The following FOXN3 variants were observed in gnomAD, a reference collection of about 807,000 sequenced individuals.
FOXN3 encodes the protein forkhead box N3.
In FOXN3, 7 loss-of-function variants were observed where a neutral mutation model predicts 38.4. That is an observed-to-expected ratio of 0.18 (90% CI 0.10 to 0.34). The LOEUF is 0.34. Ranked by LOEUF, FOXN3 falls within the 10% of genes least tolerant of loss-of-function variation. The probability of loss-of-function intolerance (pLI) is 1.00; values close to 1 mark genes in which losing one functional copy is unlikely to be tolerated. For synonymous variants in FOXN3, 230 were observed against 242.2 expected (o/e 0.95, Z 0.47); for missense variants, 456 against 613.4 (o/e 0.74, Z 2.71).
intron 1 of FOXN3, among the ~76,000 whole-genome samples, chr14:89,428,294 G>T (rs1376390268): frequency 6.6e-6 from 1 of 152,174 alleles, no homozygotes; most frequent in African/African-American, 2.4e-5. Context: ...TCATTGGCTA[G>T]TCAAGTTCAC....
intron 1 of FOXN3, among the ~76,000 whole-genome samples, chr14:89,439,358 T>A (rs1161232703): frequency 6.6e-6 from 1 of 152,134 alleles, no homozygotes; most frequent in Admixed American, 6.6e-5. Flanking sequence ...CAGCACAAGA[T>A]GCAGGTCATA....
chr14:89,313,921 T>C (rs894614651), intron 3 of FOXN3, among the ~76,000 whole-genome samples: 2 of 152,126 alleles, frequency 1.3e-5, no homozygotes, highest in African/African-American at 4.8e-5. Context: ...ATATATGAGG[T>C]ACCCAGAGTA....
At chr14:89,529,489 T>C (rs1252386737) in intron 1 of FOXN3, among the ~76,000 whole-genome samples, 3 of 152,228 alleles carry the variant, frequency 2.0e-5, no homozygotes, top group Non-Finnish European at 2.9e-5. Flanking sequence ...TCGTCTTTTC[T>C]TTTTTAACTT....
intron 1 of FOXN3, among the ~76,000 whole-genome samples, chr14:89,471,885 C>T (rs145383205): frequency 7.2e-4 from 110 of 152,284 alleles, no homozygotes; most frequent in African/African-American, 2.2e-3. Context: ...CCATCAGCTT[C>T]GATCCAGGAA....
intron 1 of FOXN3, among the ~76,000 whole-genome samples, chr14:89,416,273 A>T (rs1215780312): frequency 6.6e-6 from 1 of 152,210 alleles, no homozygotes; most frequent in Non-Finnish European, 1.5e-5. Context: ...TTATCCCCAT[A>T]TACAGGGCAA....
chr14:89,227,853 G>A (rs1884689198), intron 4 of FOXN3, among the ~76,000 whole-genome samples: 1 of 152,174 alleles, frequency 6.6e-6, no homozygotes, highest in Non-Finnish European at 1.5e-5. Context: ...CAAAAACAAG[G>A]GACCTCGGTC....
intron 3 of FOXN3, chr14:89,349,752 G>C (rs1888893218): frequency 6.6e-6 from 1 of 152,276 alleles, no homozygotes; most frequent in South Asian, 2.1e-4. Flanking sequence ...AGATCACTTT[G>C]TGCTCCCTCC....
At chr14:89,206,225 C>T (rs1342995409) in intron 4 of FOXN3, among the ~76,000 whole-genome samples, 1 of 152,144 alleles carries the variant, frequency 6.6e-6, no homozygotes, top group Admixed American at 6.5e-5. Context: ...AGCACAAACA[C>T]TAAGTAAGTG....
At chr14:89,563,817 G>A (rs1895295845) in intron 1 of FOXN3, among the ~76,000 whole-genome samples, 1 of 152,112 alleles carries the variant, frequency 6.6e-6, no homozygotes, top group African/African-American at 2.4e-5. Context: ...AGCATGATAG[G>A]ATGGGAGAAA....
chr14:89,395,463 A>G (rs1287832682), intron 2 of FOXN3, among the ~76,000 whole-genome samples: 3 of 152,014 alleles, frequency 2.0e-5, no homozygotes, highest in Admixed American at 1.3e-4. Context: ...TCTCTCACCA[A>G]TTTGTGTAAA....
At chr14:89,389,876 A>G (rs929862034) in intron 2 of FOXN3, among the ~76,000 whole-genome samples, 2 of 152,198 alleles carry the variant, frequency 1.3e-5, no homozygotes, top group South Asian at 4.2e-4. Flanking sequence ...GCTCTTTACA[A>G]CTACAAAATG....
intron 1 of FOXN3, among the ~76,000 whole-genome samples, chr14:89,447,048 T>A (rs1892516432): frequency 6.6e-6 from 1 of 151,928 alleles, no homozygotes; most frequent in Admixed American, 6.6e-5. Context: ...AATACAAAAT[T>A]AGCCGGGTGT....
At chr14:89,216,491 T>C (rs1326036054) in intron 4 of FOXN3, among the ~76,000 whole-genome samples, 2 of 152,144 alleles carry the variant, frequency 1.3e-5, no homozygotes, top group Non-Finnish European at 2.9e-5. Context: ...CCTCTGGAAC[T>C]ACCTTCCAAC....
intron 2 of FOXN3, among the ~76,000 whole-genome samples, chr14:89,354,204 G>A (rs983594788): frequency 6.6e-6 from 1 of 151,868 alleles, no homozygotes; most frequent in Non-Finnish European, 1.5e-5. Flanking sequence ...ACAAGAATAT[G>A]GAATGCTTTT....
At chr14:89,414,575 A>ACAGAGTCTCACTCTGTTGCC (rs1342599789) in intron 1 of FOXN3, among the ~76,000 whole-genome samples, 5 of 131,272 alleles carry the variant, frequency 3.8e-5, no homozygotes, top group African/African-American at 1.4e-4. Context: ...TTTTTTTGAG[A>ACAGAGTCTCACTCTGTTGCC]CAGAGTCTCA....
At chr14:89,559,994 G>A (rs1017102066) in intron 1 of FOXN3, among the ~76,000 whole-genome samples, 1 of 152,154 alleles carries the variant, frequency 6.6e-6, no homozygotes, top group Non-Finnish European at 1.5e-5. Flanking sequence ...ACCTGAGACT[G>A]GGTAGTTTAT....
rs80320351 is a variant in FOXN3, at chr14:89,335,379, T to A, written c.680+15293A>T. ...GTGTCATTCCTACACCTGCTTAGAT[T>A]ACTGAAAACATCCTCACATGTAGCG... On this transcript the variant is annotated intron_variant, in intron 3 of 5. Coordinates refer to ENST00000557258, the MANE Select transcript of FOXN3 (RefSeq NM_005197.4). Among the ~76,000 whole-genome samples the A allele has an allele frequency of 5.9e-5, 9 of 152,356 alleles. No individual in the cohort carries two copies. The East Asian group carries it at 1.7e-3, about 29-fold the overall frequency.
At chr14:89,584,562 T>A (rs1177436773) in intron 1 of FOXN3, among the ~76,000 whole-genome samples, 1 of 152,216 alleles carries the variant, frequency 6.6e-6, no homozygotes, top group Admixed American at 6.5e-5. Flanking sequence ...CTGGTCTTTT[T>A]AATTTTATAC....
intron 4 of FOXN3, among the ~76,000 whole-genome samples, chr14:89,244,056 C>A (rs1712282382): frequency 1.3e-5 from 2 of 152,184 alleles, no homozygotes; most frequent in East Asian, 3.8e-4. Context: ...CAAACCAACC[C>A]CCAAACCCAA....
Sources: gnomAD v4.1 joint callset for allele counts (sites outside exome capture counted in the v4.1 genomes callset) on GRCh38, gnomAD v4.1.1 for gene constraint, MANE v1.5 for transcripts, NCBI Gene and HGNC (gene_info 2026-07-23, HGNC 2026-07-21) for gene names.